Variants in LOXL2 observed in about 807,000 individuals in gnomAD.
LOXL2 encodes the protein lysyl oxidase like 2, also known as lysyl oxidase homolog 2.
Under a neutral mutation model 93.0 loss-of-function variants are expected in LOXL2, and 70 were observed. The ratio of observed to expected loss-of-function variants is 0.75; its 90% CI spans 0.62 to 0.92. The LOEUF (loss-of-function observed/expected upper bound fraction) is 0.92. LOXL2 is among the 40% of genes least tolerant of loss of function. LOXL2 has a pLI of 0.00. For synonymous variants in LOXL2, 438 were observed against 413.2 expected, an observed-to-expected ratio of 1.06 and a Z score of -0.73; for missense variants, 973 against 1,054.9, an observed-to-expected ratio of 0.92 and a Z score of 1.08.
rs372477587 is a variant in LOXL2, at chr8:23,357,070, C to G, written c.531+3020G>C. On this transcript the variant is annotated intron_variant, in intron 3 of 13. Coordinates refer to ENST00000389131, the MANE Select transcript of LOXL2 (RefSeq NM_002318.3). ...CGTCTCCAACATATTTTTTTTCAGT[C>G]TTCTTTTTTTTTTTTTAGACGGAGT... 4.0e-5 allele frequency among the ~76,000 whole-genome samples: 6 copies of G among 151,696 alleles called. No homozygotes were observed. The East Asian group carries it at 1.2e-3, about 29-fold the overall frequency.
chr8:23,322,584 T>C (rs1803512856), intron 6 of LOXL2, among the ~76,000 whole-genome samples: 1 of 152,222 alleles, frequency 6.6e-6, no homozygotes, highest in South Asian at 2.1e-4. Context: ...TCCAAAGGAA[T>C]TGGACTAGAA....
In LOXL2 at chr8:23,309,949, C is replaced by T. The variant is rs750782859; in HGVS notation, c.1637-38G>A. 6.3e-6 allele frequency: 9 copies of T among 1,424,918 alleles called. No individual in the cohort carries two copies. In the African/African-American group the frequency reaches 1.2e-4, roughly 19 times the overall value. The allele number at this position is 1,424,918 out of a possible 1,614,324, so 88.3% of individuals were successfully genotyped here. ...GCATGCTGGTCAACAAGGCAAGAGACCCCTCCCCAGGGCTTCTACTTCTGA... is the reference window on the plus strand; with the variant it reads ...GCATGCTGGTCAACAAGGCAAGAGATCCCTCCCCAGGGCTTCTACTTCTGA... On this transcript the variant is annotated intron_variant, in intron 9 of 13. Coordinates refer to ENST00000389131, the MANE Select transcript of LOXL2 (RefSeq NM_002318.3).
chr8:23,302,085 T>C lies in LOXL2; in HGVS notation c.2075A>G (p.Asp692Gly), dbSNP rs1465932130. ...TMGCWDMYRH[D>G]IDCQWVDITD... The stretch of plus-strand genomic sequence containing the variant: ...GATGTCAACCCACTGGCAGTCGATG[T>C]CATGGCGGTACATGTCCCAGCAGCC... The change falls in exon 12 of 14, where the codon GAC becomes GGC. Residue 692 changes from aspartate (D) to glycine (G), a missense_variant. Physicochemically the swap from Asp to Gly is moderately conservative, Grantham distance 94 (BLOSUM62 -1). Coordinates refer to ENST00000389131, the MANE Select transcript of LOXL2 (RefSeq NM_002318.3). 1 of 1,614,150 alleles carries C rather than the reference T, an allele frequency of 6.2e-7. No individual in the cohort carries two copies. Among genetic ancestry groups the C allele is most frequent in the East Asian group, 2.2e-5 (1 of 44,886 alleles).
At chr8:23,306,547 T>C (rs1048304538) in intron 10 of LOXL2, among the ~76,000 whole-genome samples, 6 of 152,254 alleles carry the variant, frequency 3.9e-5, no homozygotes, top group African/African-American at 1.4e-4. Flanking sequence ...GGCCTCAGAT[T>C]GGCTCCCAGG....
At chr8:23,349,821 G>A (rs1199366302) in intron 3 of LOXL2, among the ~76,000 whole-genome samples, 2 of 151,860 alleles carry the variant, frequency 1.3e-5, no homozygotes, top group African/African-American at 4.8e-5. Flanking sequence ...GACACAGAGT[G>A]GGTCCCCAAA....
At chr8:23,346,379 G>T (rs889916649) in intron 3 of LOXL2, among the ~76,000 whole-genome samples, 1 of 152,020 alleles carries the variant, frequency 6.6e-6, no homozygotes, top group Non-Finnish European at 1.5e-5. Flanking sequence ...TCCAGGATGT[G>T]TGGTCCTCAG....
At chr8:23,341,244 G>T in intron 3 of LOXL2, 41 bp from the exon 4 acceptor site, 1 of 1,527,390 alleles carries the variant, frequency 6.5e-7, no homozygotes, top group Non-Finnish European at 9.1e-7. Context: ...TTACCCTACT[G>T]GCCTGGCTGC....
At chr8:23,358,421 T>G (rs935011683) in intron 3 of LOXL2, among the ~76,000 whole-genome samples, 6 of 152,218 alleles carry the variant, frequency 3.9e-5, no homozygotes, top group African/African-American at 1.4e-4. Flanking sequence ...TTGGGAGAAC[T>G]TCCTCTGGAA....
At chr8:23,368,719 C>T (rs1455903753) in intron 1 of LOXL2, among the ~76,000 whole-genome samples, 1 of 152,104 alleles carries the variant, frequency 6.6e-6, no homozygotes, top group Non-Finnish European at 1.5e-5. Flanking sequence ...TACGGACATG[C>T]CGGCAGAGTT....
rs368891021 is a variant in LOXL2, at chr8:23,303,086, C to T, written c.1996+196G>A. Among the ~76,000 whole-genome samples, 56 of 152,098 alleles carry T rather than the reference C, an allele frequency of 3.7e-4. 1 individual carries two copies. Among genetic ancestry groups the T allele is most frequent in the Admixed American group, 3.0e-3 (46 of 15,276 alleles). Reference sequence around the variant, plus strand: ...CCTGTCAGCACAGCTCTGGGGAATCCGGGTGCCCTTGGAACCAGGTCATGC... The same window carrying T: ...CCTGTCAGCACAGCTCTGGGGAATCTGGGTGCCCTTGGAACCAGGTCATGC... On this transcript the variant is annotated intron_variant, in intron 11 of 13. Coordinates refer to ENST00000389131, the MANE Select transcript of LOXL2 (RefSeq NM_002318.3).
At chr8:23,390,978 A>C (rs1173061230) in intron 1 of LOXL2, among the ~76,000 whole-genome samples, 6 of 152,164 alleles carry the variant, frequency 3.9e-5, no homozygotes, top group East Asian at 3.8e-4. Flanking sequence ...CACGTCTTAC[A>C]TGGCAGCAGA....
At chr8:23,393,322 G>A (rs1800037315) in intron 1 of LOXL2, among the ~76,000 whole-genome samples, 1 of 152,204 alleles carries the variant, frequency 6.6e-6, no homozygotes, top group Non-Finnish European at 1.5e-5. Context: ...TACTACAAAA[G>A]TCAAGGCAGT....
intron 1 of LOXL2, among the ~76,000 whole-genome samples, chr8:23,402,293 A>C (rs1800162377): frequency 6.6e-6 from 1 of 152,202 alleles, no homozygotes. Flanking sequence ...ATGTGCCCAC[A>C]CATACACGTG....
intron 5 of LOXL2, among the ~76,000 whole-genome samples, chr8:23,330,290 C>T (rs1585352592): frequency 2.0e-5 from 3 of 152,178 alleles, no homozygotes; most frequent in East Asian, 3.9e-4. Flanking sequence ...GCCGAGATTG[C>T]GCCACTGCAT....
At chr8:23,318,778 G>A (rs4446751) in intron 8 of LOXL2, among the ~76,000 whole-genome samples, 91,499 of 152,090 alleles carry the variant, frequency 0.6, 28,888 homozygotes, top group Middle Eastern at 0.73. Flanking sequence ...GAAACACTGC[G>A]TTGCCTGGGG....
At chr8:23,325,976 G>A (rs1803570160) in intron 6 of LOXL2, among the ~76,000 whole-genome samples, 1 of 152,188 alleles carries the variant, frequency 6.6e-6, no homozygotes, top group South Asian at 2.1e-4. Flanking sequence ...GTTGCTCAAG[G>A]TCACCAAGCA....
intron 1 of LOXL2, among the ~76,000 whole-genome samples, chr8:23,397,778 C>CAAAA (rs57059999): frequency 2.2e-5 from 2 of 90,762 alleles, no homozygotes; most frequent in Non-Finnish European, 4.5e-5. Flanking sequence ...GACTCTGTCT[C>CAAAA]AAAAAAAAAA....
intron 3 of LOXL2, among the ~76,000 whole-genome samples, chr8:23,341,940 A>C (rs1183920554): frequency 1.3e-5 from 2 of 152,172 alleles, no homozygotes; most frequent in East Asian, 3.9e-4. Context: ...CAAGGAAAGG[A>C]GACACTTTGA....
intron 9 of LOXL2, among the ~76,000 whole-genome samples, chr8:23,310,675 T>C (rs117588339): frequency 2.0e-5 from 3 of 152,222 alleles, no homozygotes; most frequent in Non-Finnish European, 1.5e-5. Flanking sequence ...GGAGAAAGCA[T>C]TGTCTGTTTT....
Sources: allele counts gnomAD v4.1 joint callset (sites outside exome capture counted in the v4.1 genomes callset), GRCh38; gene constraint gnomAD v4.1.1; transcripts MANE v1.5; gene names NCBI Gene and HGNC (gene_info 2026-07-23, HGNC 2026-07-21).